Variants in ROBO3 observed in about 807,000 individuals in gnomAD.
ROBO3 encodes the protein roundabout homolog 3.
A neutral mutation model predicts 160.5 loss-of-function variants in ROBO3; 97 were observed. That is an observed-to-expected ratio of 0.60 (90% CI 0.51 to 0.72). The LOEUF (loss-of-function observed/expected upper bound fraction) is 0.72. ROBO3 is among the 30% of genes least tolerant of loss of function. The pLI, the probability that ROBO3 is intolerant of heterozygous loss-of-function variation, is 0.00. For synonymous variants in ROBO3, 780 were observed against 746.2 expected (o/e 1.05, Z -0.74); for missense variants, 1,858 against 1,846.5 (o/e 1.01, Z -0.11).
At position 124,881,351 on chromosome 11, in the gene ROBO3, T is replaced by C. The variant is rs1565317706; in HGVS notation, c.*101T>C. On this transcript the variant is annotated 3_prime_UTR_variant, in exon 28 of 28. Coordinates refer to ENST00000397801, the MANE Select transcript of ROBO3 (RefSeq NM_022370.4). ...GATGAGTGGGGCTAGCTGAAGCCCA[T>C]TGGTTTCCACGATTTCAATTGGCTG... The C allele has an allele frequency of 8.3e-7, 1 of 1,204,546 alleles. No homozygotes were observed. Among genetic ancestry groups the C allele is most frequent in the Non-Finnish European group, 1.2e-6 (1 of 835,492 alleles). The allele number at this position is 1,204,546 out of a possible 1,614,324, so 74.6% of individuals were successfully genotyped here. A position where few individuals can be genotyped will look rare whatever the true frequency, so the allele number is the denominator to read the frequency against.
At chr11:124,871,256 A>G in intron 7 of ROBO3, 118 bp downstream of exon 7, 12 of 1,250,632 alleles carry the variant, frequency 9.6e-6, no homozygotes, top group Non-Finnish European at 1.2e-5. Flanking sequence ...GAGCCCCCAG[A>G]AACCCTTGCA....
rs780137848 is a variant in ROBO3, at chr11:124,878,645, T to C, written c.3382T>C (p.Ser1128Pro). The C allele has an allele frequency of 1.2e-6, 2 of 1,613,432 alleles. No homozygotes were observed. The highest frequency in any genetic ancestry group is 1.7e-6 in the Non-Finnish European group (2 of 1,179,680). ...PERSHLTEPS[S>P]SGGCLVTPSR... The stretch of plus-strand genomic sequence containing the variant: ...GAGAAGTCACCTGACGGAGCCCAGC[T>C]CCAGTGGAGGGTGCCTGGTCACCCC... Residue 1128 changes from serine (S) to proline (P), a missense_variant, in exon 23 of 28, where the codon TCC (serine) becomes CCC (proline). Physicochemically the swap from Ser to Pro is moderately conservative, Grantham distance 74 (BLOSUM62 -1). Coordinates refer to ENST00000397801, the MANE Select transcript of ROBO3 (RefSeq NM_022370.4). This position sits in a 1 kb window ranked among gnomAD's most constrained non-coding sequence, Gnocchi z 4.3.
rs761146056 is a variant in ROBO3 at position 124,871,092 on chromosome 11, A to G, written c.1112A>G (p.Lys371Arg). The change falls in exon 7 of 28, where the codon AAA becomes AGA. Residue 371 changes from lysine to arginine, a missense_variant. By Grantham distance (26) the Lys-to-Arg change is conservative (BLOSUM62 2). Transcript: ENST00000397801. ...AGCGTGGCTTTCCAGTGCGAGACCA[A>G]AGGAAACCCCCCACCTGCCATCTTC... is the stretch of plus-strand genomic sequence containing the variant. Reference protein sequence around the residue: ...GESVAFQCETKGNPPPAIFWQ... With the variant: ...GESVAFQCETRGNPPPAIFWQ... 5.6e-6 allele frequency: 9 copies of G among 1,613,656 alleles called. No individual in the cohort carries two copies. The Admixed American group carries it at 1.2e-4, about 21-fold the overall frequency.
rs1278335094 is a variant in ROBO3, at chr11:124,879,000, G to C, written c.3534-190G>C. 9.1e-6 allele frequency: 7 copies of C among 772,068 alleles called. No individual in the cohort carries two copies. Among genetic ancestry groups the C allele is most frequent in the East Asian group, 8.1e-5 (3 of 37,112 alleles). 47.8% of individuals were successfully genotyped at this position (772,068 alleles called of 1,614,324 possible). ...GCCCATTAGACTGGCTCTTGCTGGAGTGGTCAGCACTCTACCTGAGACATT... is the reference window on the plus strand; with the variant it reads ...GCCCATTAGACTGGCTCTTGCTGGACTGGTCAGCACTCTACCTGAGACATT... On this transcript the variant is annotated intron_variant, in intron 23 of 27. Coordinates refer to ENST00000397801, the MANE Select transcript of ROBO3 (RefSeq NM_022370.4). This position sits in a 1 kb window ranked among gnomAD's most constrained non-coding sequence, Gnocchi z 4.3.
intron 19 of ROBO3, 30 bp from the exon 20 acceptor site, chr11:124,877,489 C>T (rs900351274): frequency 1.9e-6 from 3 of 1,599,196 alleles, no homozygotes; most frequent in East Asian, 4.5e-5. Context: ...TCAGGCTCTC[C>T]GTCCCCAACG....
chr11:124,872,535 T>G lies in ROBO3; in HGVS notation c.1313T>G (p.Leu438Arg). 1 of 1,613,510 alleles carries G rather than the reference T, an allele frequency of 6.2e-7. No homozygotes were observed. The highest frequency in any genetic ancestry group is 8.5e-7 in the Non-Finnish European group (1 of 1,179,480). Residue 438 changes from leucine (L) to arginine (R), a missense_variant, in exon 8 of 28, where the codon CTG becomes CGG. By Grantham distance (102) the Leu-to-Arg change is moderately radical. Coordinates refer to ENST00000397801, the MANE Select transcript of ROBO3 (RefSeq NM_022370.4). This position sits in a 1 kb window ranked among gnomAD's most constrained non-coding sequence, Gnocchi z 4.3. ...SVAGSILAKA[L>R]LEIKGASLDG... ...GCTGGCAGCATCCTGGCCAAGGCCC[T>G]GCTGGAGATAAAAGGAGGTACGTGC...
rs1419174775 is a variant in ROBO3 at position 124,877,406 on chromosome 11, TC to T, written c.2846+100del. The T allele has an allele frequency of 6.3e-6, 10 of 1,578,844 alleles. No homozygotes were observed. In the African/African-American group the frequency reaches 9.4e-5, roughly 15 times the overall value. On this transcript the variant is annotated intron_variant, in intron 19 of 27. Coordinates refer to ENST00000397801, the MANE Select transcript of ROBO3 (RefSeq NM_022370.4). ...CCCAGGTGGAGGGAGCATGGCCACCTCCCACCCCAACACCACCGCCACTGTC... is the reference window on the plus strand; with the variant it reads ...CCCAGGTGGAGGGAGCATGGCCACCTCCACCCCAACACCACCGCCACTGTC...
intron 12 of ROBO3, 99 bp from the exon 13 acceptor site, chr11:124,874,689 G>C: frequency 7.2e-7 from 1 of 1,390,632 alleles, no homozygotes; most frequent in Non-Finnish European, 9.6e-7. Context: ...GTGCTCTGGA[G>C]TACTAAGTGG....
rs1467742411 is a variant in ROBO3, at chr11:124,865,531, G to A, written c.-47G>A. On this transcript the variant is annotated 5_prime_UTR_variant, in exon 1 of 28. Transcript: ENST00000397801. The surrounding 1 kb of genome is among the most constrained non-coding windows in gnomAD (Gnocchi z 5.5). ...TCCCAGCCCACGGGTCTCAGACCCAGGGGCTGGGCCCCCAGCCCCCAGTCC... is the reference window on the plus strand; with the variant it reads ...TCCCAGCCCACGGGTCTCAGACCCAAGGGCTGGGCCCCCAGCCCCCAGTCC... 1 of 1,591,780 alleles carries A rather than the reference G, an allele frequency of 6.3e-7. No homozygotes were observed. The highest frequency in any genetic ancestry group is 1.3e-5 in the African/African-American group (1 of 74,606).
Position 124,876,149 on chromosome 11 carries a change from T to C in ROBO3, c.2593+24T>C, listed in dbSNP as rs1946361973. On this transcript the variant is annotated intron_variant, in intron 16 of 27. Transcript: ENST00000397801. The surrounding 1 kb of genome is among the most constrained non-coding windows in gnomAD (Gnocchi z 5.3). ...GCGTGAGTCCACCCGAGGGCAGTGC[T>C]GAGGATCTTGACGGGGGCGGGGCAA... 3 of 1,577,060 alleles carry C rather than the reference T, an allele frequency of 1.9e-6. No individual in the cohort carries two copies. Among genetic ancestry groups the C allele is most frequent in the South Asian group, 1.1e-5 (1 of 88,108 alleles).
chr11:124,876,290 T>G lies in ROBO3; in HGVS notation c.2609T>G (p.Leu870Arg). ...ACCCCCACAGCGTCCCCGCCGGACCTGGAGCCCGGGCTGGAGGTGGGCGCG... is the reference window on the plus strand; with the variant it reads ...ACCCCCACAGCGTCCCCGCCGGACCGGGAGCCCGGGCTGGAGGTGGGCGCG... ...VLVQLPSPPD[L>R]EPGLEVGAGL... Residue 870 changes from leucine (L) to arginine (R), a missense_variant, in exon 17 of 28, where the codon CTG becomes CGG. Leu to Arg is a moderately radical substitution (Grantham distance 102). Coordinates refer to ENST00000397801, the MANE Select transcript of ROBO3 (RefSeq NM_022370.4). This position sits in a 1 kb window ranked among gnomAD's most constrained non-coding sequence, Gnocchi z 5.3. The G allele has an allele frequency of 6.8e-7, 1 of 1,462,524 alleles. No homozygotes were observed. The highest frequency in any genetic ancestry group is 8.9e-7 in the Non-Finnish European group (1 of 1,119,704). The allele number at this position is 1,462,524 out of a possible 1,614,324, so 90.6% of individuals were successfully genotyped here.
intron 1 of ROBO3, chr11:124,868,486 C>A (rs1209291083): frequency 3.4e-6 from 2 of 595,248 alleles, no homozygotes; most frequent in Non-Finnish European, 6.0e-6. Context: ...CGTGGTTCAG[C>A]CACTCCCGCT....
Position 124,873,310 on chromosome 11 carries a change from G to A in ROBO3, c.1537G>A (p.Glu513Lys), listed in dbSNP as rs1946304095. The change falls in exon 10 of 28, where the codon GAG becomes AAG. Residue 513 changes from glutamate (E) to lysine (K), a missense_variant and splice_region_variant. Glu to Lys is a moderately conservative substitution (Grantham distance 56, BLOSUM62 1). Coordinates refer to ENST00000397801, the MANE Select transcript of ROBO3 (RefSeq NM_022370.4). This position sits in a 1 kb window ranked among gnomAD's most constrained non-coding sequence, Gnocchi z 4.5. ...GCCAGTGCTCTGCCCTCTCTTCCAG[G>A]AGATGGACATGGGCTTCTACAGCTG... ...NGTLYIANVQ[E>K]MDMGFYSCVA... The A allele has an allele frequency of 1.2e-6, 2 of 1,607,986 alleles. No individual in the cohort carries two copies. Among genetic ancestry groups the A allele is most frequent in the Admixed American group, 1.7e-5 (1 of 59,198 alleles).
rs1946453521 is a variant in ROBO3, at chr11:124,878,213, C to T, written c.3181+82C>T. 6.4e-7 allele frequency: 1 copy of T among 1,574,432 alleles called. No individual in the cohort carries two copies. Among genetic ancestry groups the T allele is most frequent in the Admixed American group, 1.8e-5 (1 of 55,966 alleles). On this transcript the variant is annotated intron_variant, in intron 21 of 27. Coordinates refer to ENST00000397801, the MANE Select transcript of ROBO3 (RefSeq NM_022370.4). The surrounding 1 kb of genome is among the most constrained non-coding windows in gnomAD (Gnocchi z 4.3). ...GATCCTCCTCCCTGACCCTCTGGCA[C>T]CTAGCCCGGCACTTCCTTCTGACCT... is the stretch of plus-strand genomic sequence containing the variant.
Position 124,875,649 on chromosome 11 carries a change from C to T in ROBO3, c.2385C>T (p.Leu795=), listed in dbSNP as rs1482644516. The T allele has an allele frequency of 1.2e-6, 2 of 1,609,760 alleles. No homozygotes were observed. Among genetic ancestry groups the T allele is most frequent in the Admixed American group, 1.7e-5 (1 of 58,986 alleles). The stretch of plus-strand genomic sequence containing the variant: ...TCACTGTGTCCTGGGAACCTCCACT[C>T]CCCTCCCAGCAAAATGGGGTCATCA... ...SSITVSWEPP[L]PSQQNGVITE... The change falls in exon 15 of 28, where the codon CTC becomes CTT. Residue 795 remains leucine, a synonymous_variant. Coordinates refer to ENST00000397801, the MANE Select transcript of ROBO3 (RefSeq NM_022370.4).
At position 124,868,860 on chromosome 11, in the gene ROBO3, G is replaced by A. The variant is rs762599143; in HGVS notation, c.219G>A (p.Leu73=). 6.2e-7 allele frequency: 1 copy of A among 1,609,504 alleles called. No homozygotes were observed. The highest frequency in any genetic ancestry group is 2.2e-5 in the East Asian group (1 of 44,708). The change falls in exon 2 of 28, where the codon CTG becomes CTA. Residue 73 remains leucine (L), a synonymous_variant. Transcript: ENST00000397801. Reference sequence around the variant, plus strand: ...GCATCGTGGAGCAGCCGCCAGATCTGCTGGTCTCCCGAGGCGAGCCCGCCA... The same window carrying A: ...GCATCGTGGAGCAGCCGCCAGATCTACTGGTCTCCCGAGGCGAGCCCGCCA... ...MPRIVEQPPD[L]LVSRGEPATL... is the part of the protein sequence containing the mutation.
chr11:124,877,089 C>A (rs564319246), intron 17 of ROBO3, 72 bp from the exon 18 acceptor site: 2 of 1,536,372 alleles, frequency 1.3e-6, no homozygotes, highest in East Asian at 2.2e-5. Context: ...TAGGCGTGGA[C>A]AAGTATAGGG....
Position 124,865,876 on chromosome 11 carries a change from G to C in ROBO3, c.160+139G>C. 4.0e-6 allele frequency: 4 copies of C among 1,003,488 alleles called. No homozygotes were observed. The South Asian group carries it at 6.8e-5, about 17-fold the overall frequency. The allele number at this position is 1,003,488 out of a possible 1,614,324, so 62.2% of individuals were successfully genotyped here. ...TCCCAGCGCCTCCCTGGGTCGTGGG[G>C]TCTAAGGGATAATTTGGAGCTTCGA... On this transcript the variant is annotated intron_variant, in intron 1 of 27. Transcript: ENST00000397801. The surrounding 1 kb of genome is among the most constrained non-coding windows in gnomAD (Gnocchi z 5.5).
In ROBO3 at chr11:124,872,224, C is replaced by T. The variant is rs925888994; in HGVS notation, c.1159-157C>T. 6.6e-6 allele frequency among the ~76,000 whole-genome samples: 1 copy of T among 152,204 alleles called. No individual in the cohort carries two copies. Among genetic ancestry groups the T allele is most frequent in the Non-Finnish European group, 1.5e-5 (1 of 68,048 alleles). ...AAATTCCCTGATGTTTTTGTGAATA[C>T]ATTTAACTACTTTGCCCAAGTTCAC... On this transcript the variant is annotated intron_variant, in intron 7 of 27. Coordinates refer to ENST00000397801, the MANE Select transcript of ROBO3 (RefSeq NM_022370.4). The surrounding 1 kb of genome is among the most constrained non-coding windows in gnomAD (Gnocchi z 4.3).
Sources: gnomAD v4.1 joint callset for allele counts (sites outside exome capture counted in the v4.1 genomes callset) on GRCh38, gnomAD v4.1.1 for gene constraint, Gnocchi (gnomAD v3.1) non-coding constraint, MANE v1.5 for transcripts, NCBI Gene and HGNC (gene_info 2026-07-23, HGNC 2026-07-21) for gene names.